ZNF528: variants seen among roughly 807,000 people sequenced by gnomAD.
The protein encoded by ZNF528 is zinc finger protein 528.
ZNF528 carries 9 observed loss-of-function variants against 13.3 expected under a neutral mutation model. That is an observed-to-expected ratio of 0.67 (90% CI 0.41 to 1.18). ZNF528 has a LOEUF of 1.18. Ranked by LOEUF, ZNF528 falls within the 50% of genes most tolerant of loss-of-function variation. ZNF528 has a pLI of 0.01. For synonymous variants in ZNF528, 264 were observed against 254.3 expected (o/e 1.04, Z -0.36); for missense variants, 858 against 745.4 (o/e 1.15, Z -1.76).
In ZNF528 at chr19:52,416,020, T is replaced by G; in HGVS notation, c.1168T>G (p.Phe390Val). The stretch of plus-strand genomic sequence containing the variant: ...CAAATGTAAAGAATGTGACAAGGTC[T>G]TTGGGCGCAAGTGTTTCCTGACCTC... ...PYKCKECDKV[F>V]GRKCFLTSHQ... Residue 390 changes from phenylalanine to valine, a missense_variant, in exon 7 of 7, where the codon TTT (phenylalanine) becomes GTT (valine). Physicochemically the swap from Phe to Val is conservative, Grantham distance 50. Transcript: ENST00000360465. 6.2e-7 allele frequency: 1 copy of G among 1,614,106 alleles called. No homozygotes were observed. The highest frequency in any genetic ancestry group is 1.1e-5 in the South Asian group (1 of 91,082).
In ZNF528 at chr19:52,415,468, A is replaced by C; in HGVS notation, c.616A>C (p.Ile206Leu). Residue 206 changes from isoleucine to leucine, a missense_variant, in exon 7 of 7, where the codon ATC becomes CTC. Coordinates refer to ENST00000360465, the MANE Select transcript of ZNF528 (RefSeq NM_032423.3). Reference protein sequence around the residue: ...RASASLTNQVIHNADNPYKCS... With the variant: ...RASASLTNQVLHNADNPYKCS... Reference sequence around the variant, plus strand: ...ATCTGCAAGCCTTACTAACCAAGTAATCCATAACGCAGATAATCCTTACAA... The same window carrying C: ...ATCTGCAAGCCTTACTAACCAAGTACTCCATAACGCAGATAATCCTTACAA... The C allele has an allele frequency of 1.2e-6, 2 of 1,614,218 alleles. No homozygotes were observed. The highest frequency in any genetic ancestry group is 1.7e-6 in the Non-Finnish European group (2 of 1,180,044).
intron 4 of ZNF528, 150 bp from the exon 5 acceptor site, chr19:52,405,757 C>T (rs1279857541): frequency 2.1e-6 from 2 of 961,548 alleles, no homozygotes; most frequent in Non-Finnish European, 1.6e-6. Context: ...ACCACAATTA[C>T]AGACACGTAA....
intron 4 of ZNF528, among the ~76,000 whole-genome samples, chr19:52,404,818 C>T (rs1002827251): frequency 1.3e-5 from 2 of 151,330 alleles, no homozygotes; most frequent in African/African-American, 2.4e-5. Flanking sequence ...AGGCTGGTCT[C>T]GAACTCCTTA....
intron 6 of ZNF528, among the ~76,000 whole-genome samples, chr19:52,407,276 C>A (rs983813980): frequency 2.0e-5 from 3 of 152,022 alleles, no homozygotes; most frequent in African/African-American, 7.2e-5. Flanking sequence ...ATAGCTGGGA[C>A]TGCAGGTGTA....
At chr19:52,401,864 A>C (rs533009109) in intron 3 of ZNF528, 83 bp from the exon 4 acceptor site, 8 of 1,544,160 alleles carry the variant, frequency 5.2e-6, no homozygotes, top group Non-Finnish European at 7.0e-6. Context: ...CCTCAGGGTG[A>C]GGTCTTCCCT....
intron 6 of ZNF528, chr19:52,406,994 G>C: frequency 3.7e-6 from 1 of 267,860 alleles, no homozygotes; most frequent in Non-Finnish European, 6.9e-6. Flanking sequence ...ACCCAGTCCA[G>C]AATGCAATGG....
rs372648827 is a variant in ZNF528, at chr19:52,400,903, C to T, written c.-136-782C>T. On this transcript the variant is annotated intron_variant, in intron 2 of 6. Coordinates refer to ENST00000360465, the MANE Select transcript of ZNF528 (RefSeq NM_032423.3). ...TTCACAGCTGATCACTCTTTTTTTT[C>T]GCAGCTTTGAAGACATTGCTTGTAT... 1.2e-4 allele frequency among the ~76,000 whole-genome samples: 18 copies of T among 151,694 alleles called. No homozygotes were observed. In the East Asian group the frequency reaches 2.7e-3, roughly 23 times the overall value.
intron 6 of ZNF528, 57 bp downstream of exon 6, chr19:52,406,700 G>A: frequency 6.4e-7 from 1 of 1,555,340 alleles, no homozygotes. Flanking sequence ...TTGAGACAGG[G>A]TCTAACGCTG....
chr19:52,407,388 C>T (rs2058871568), intron 6 of ZNF528, among the ~76,000 whole-genome samples: 1 of 152,140 alleles, frequency 6.6e-6, no homozygotes, highest in Non-Finnish European at 1.5e-5. Context: ...AGTCTGCCTG[C>T]CTCAGCTTCC....
chr19:52,414,958 C>T (rs1387077324), intron 6 of ZNF528, 166 bp from the exon 7 acceptor site: 29 of 1,531,974 alleles, frequency 1.9e-5, no homozygotes, highest in Non-Finnish European at 2.4e-5. Context: ...TGCTCCAATG[C>T]ATCACCTCAG....
chr19:52,414,949 G>A (rs1490210075), intron 6 of ZNF528, 175 bp from the exon 7 acceptor site: 1 of 1,528,906 alleles, frequency 6.5e-7, no homozygotes, highest in African/African-American at 1.4e-5. Context: ...ATTCCCCACT[G>A]CTCCAATGCA....
chr19:52,407,207 C>T (rs373979622), intron 6 of ZNF528, among the ~76,000 whole-genome samples: 103 of 127,332 alleles, frequency 8.1e-4, no homozygotes, highest in South Asian at 2.0e-3. Flanking sequence ...GGCATGATTA[C>T]GGCTTGCTGC....
At chr19:52,404,865 C>T (rs1393313007) in intron 4 of ZNF528, among the ~76,000 whole-genome samples, 4 of 151,406 alleles carry the variant, frequency 2.6e-5, no homozygotes, top group Non-Finnish European at 5.9e-5. Context: ...TCCCAAATTG[C>T]TAGGATTACA....
chr19:52,414,933 C>T, intron 6 of ZNF528, 191 bp from the exon 7 acceptor site: 1 of 1,519,800 alleles, frequency 6.6e-7, no homozygotes, highest in Non-Finnish European at 8.8e-7. Flanking sequence ...CTCTCGACTC[C>T]TGCAGATTCC....
chr19:52,402,068 C>T (rs1309589270), intron 4 of ZNF528, 40 bp downstream of exon 4: 1 of 1,613,866 alleles, frequency 6.2e-7, no homozygotes, highest in African/African-American at 1.3e-5. Flanking sequence ...GTCTCTGTTT[C>T]TTCCTGAAAT....
intron 6 of ZNF528, chr19:52,414,645 C>T: frequency 5.0e-6 from 2 of 399,536 alleles, no homozygotes; most frequent in Admixed American, 7.7e-5. Flanking sequence ...TTGCCCACAT[C>T]CTGCATTCAT....
At chr19:52,405,006 A>G (rs2058837752) in intron 4 of ZNF528, among the ~76,000 whole-genome samples, 1 of 151,678 alleles carries the variant, frequency 6.6e-6, no homozygotes, top group Admixed American at 6.6e-5. Context: ...TCAGGAGGTC[A>G]AGAGATCGAG....
rs780089488 is a variant in ZNF528 at position 52,415,724 on chromosome 19, A to C, written c.872A>C (p.His291Pro). Residue 291 changes from histidine (H) to proline (P), a missense_variant, in exon 7 of 7, where the codon CAT (histidine) becomes CCT (proline). Transcript: ENST00000360465. ...SSKLAQHQRI[H>P]TGEKPYKCHE... The stretch of plus-strand genomic sequence containing the variant: ...AAGCTTGCACAACATCAAAGAATTC[A>C]TACTGGAGAGAAGCCTTACAAATGT... 1.9e-6 allele frequency: 3 copies of C among 1,614,190 alleles called. No individual in the cohort carries two copies. In the Admixed American group the frequency reaches 5.0e-5, roughly 27 times the overall value.
At chr19:52,406,172 A>T (rs2058853448) in intron 5 of ZNF528, 139 bp downstream of exon 5, 3 of 1,150,438 alleles carry the variant, frequency 2.6e-6, no homozygotes, top group Admixed American at 4.9e-5. Context: ...ACTGTATTAC[A>T]CTTTCTGGAC....
Sources: allele counts gnomAD v4.1 joint callset (sites outside exome capture counted in the v4.1 genomes callset), GRCh38; gene constraint gnomAD v4.1.1; transcripts MANE v1.5; gene names NCBI Gene and HGNC (gene_info 2026-07-23, HGNC 2026-07-21).